Variants in RFC1 observed in about 807,000 individuals in gnomAD.
RFC1 encodes A1 140 kDa subunit.
A neutral mutation model predicts 137.4 loss-of-function variants in RFC1; 37 were observed. The ratio of observed to expected loss-of-function variants is 0.27; its 90% confidence interval spans 0.21 to 0.35. The LOEUF is 0.35. Among genes scored for constraint, RFC1 ranks in the 10% least tolerant of loss-of-function variants. RFC1 has a pLI of 1.00. For synonymous variants in RFC1, 429 were observed against 455.7 expected, an observed-to-expected ratio of 0.94 and a Z score of 0.75; for missense variants, 1,205 against 1,358.5, an observed-to-expected ratio of 0.89 and a Z score of 1.78.
At chr4:39,303,711 C>A (rs965905110) in intron 15 of RFC1, among the ~76,000 whole-genome samples, 2 of 152,238 alleles carry the variant, frequency 1.3e-5, no homozygotes, top group African/African-American at 4.8e-5. Flanking sequence ...GCCTCAGCCT[C>A]CCAAAGTGCT....
chr4:39,299,281 G>A (rs1362968885), intron 21 of RFC1, among the ~76,000 whole-genome samples: 2 of 151,960 alleles, frequency 1.3e-5, no homozygotes, highest in Non-Finnish European at 2.9e-5. Flanking sequence ...TAAATACACG[G>A]GTAAATCTCT....
chr4:39,354,595 C>A (rs918179523), intron 1 of RFC1, among the ~76,000 whole-genome samples: 1 of 151,968 alleles, frequency 6.6e-6, no homozygotes, highest in African/African-American at 2.4e-5. Flanking sequence ...GATTTTACTA[C>A]ACAAAAAGTG....
chr4:39,302,687 C>T, intron 17 of RFC1, 50 bp downstream of exon 17: 1 of 1,523,048 alleles, frequency 6.6e-7, no homozygotes, highest in Non-Finnish European at 8.8e-7. Context: ...AAAAATTGAC[C>T]CTTAAATAAA....
intron 19 of RFC1, among the ~76,000 whole-genome samples, chr4:39,300,772 A>G (rs1296781213): frequency 6.6e-6 from 1 of 152,212 alleles, no homozygotes; most frequent in Non-Finnish European, 1.5e-5. Context: ...ATTCAACATT[A>G]AAAAGAAGTG....
Position 39,344,740 on chromosome 4 carries a change from G to A in RFC1, c.208+661C>T, listed in dbSNP as rs905733750. 9.9e-5 allele frequency among the ~76,000 whole-genome samples: 15 copies of A among 152,060 alleles called. 1 individual carries two copies. The highest frequency in any genetic ancestry group is 2.4e-4 in the African/African-American group (10 of 41,408). ...GTAGAGGTTGCAGTGAGCCCAGATC[G>A]CACCACTGCACTCCAACCTGGGCAA... On this transcript the variant is annotated intron_variant, in intron 3 of 24. Coordinates refer to ENST00000349703, the MANE Select transcript of RFC1 (RefSeq NM_002913.5).
At chr4:39,314,702 C>T (rs887822369) in intron 10 of RFC1, among the ~76,000 whole-genome samples, 11 of 152,118 alleles carry the variant, frequency 7.2e-5, no homozygotes, top group African/African-American at 2.7e-4. Flanking sequence ...CCGACCTTCT[C>T]GCTCCCCACT....
At chr4:39,293,811 C>T (rs748230721) in intron 22 of RFC1, among the ~76,000 whole-genome samples, 1 of 152,168 alleles carries the variant, frequency 6.6e-6, no homozygotes, top group East Asian at 1.9e-4. Context: ...TAGGGCAGAG[C>T]AACCCATGAC....
chr4:39,342,807 T>C (rs1226998045), intron 3 of RFC1, among the ~76,000 whole-genome samples: 1 of 152,200 alleles, frequency 6.6e-6, no homozygotes, highest in Non-Finnish European at 1.5e-5. Context: ...TAAGAAAGAA[T>C]TTTATTTGCC....
intron 1 of RFC1, 65 bp from the exon 2 acceptor site, chr4:39,351,541 T>C: frequency 7.2e-7 from 1 of 1,388,828 alleles, no homozygotes; most frequent in South Asian, 1.4e-5. Flanking sequence ...ACTTCAATTG[T>C]AAGATGGGAC....
chr4:39,337,305 C>T (rs1035907458), intron 4 of RFC1, among the ~76,000 whole-genome samples: 2 of 150,622 alleles, frequency 1.3e-5, no homozygotes, highest in South Asian at 2.1e-4. Context: ...ACCTGGGAGG[C>T]GGAGGTTGCG....
At chr4:39,343,919 C>G (rs945561680) in intron 3 of RFC1, among the ~76,000 whole-genome samples, 3 of 152,026 alleles carry the variant, frequency 2.0e-5, no homozygotes, top group Non-Finnish European at 4.4e-5. Flanking sequence ...TCGAGACCAG[C>G]CTGGCCAACA....
chr4:39,344,181 G>T (rs959685960), intron 3 of RFC1, among the ~76,000 whole-genome samples: 1 of 151,380 alleles, frequency 6.6e-6, no homozygotes, highest in Non-Finnish European at 1.5e-5. Flanking sequence ...AGCAGATCTT[G>T]TCCACAAAAG....
At chr4:39,299,969 A>T in intron 21 of RFC1, 52 bp downstream of exon 21, 2 of 1,000,538 alleles carry the variant, frequency 2.0e-6, no homozygotes, top group Non-Finnish European at 3.2e-6. Context: ...AAAGCTATTT[A>T]GTTCTCTTAG....
At chr4:39,334,314 G>A (rs1303629865) in intron 4 of RFC1, among the ~76,000 whole-genome samples, 4 of 152,086 alleles carry the variant, frequency 2.6e-5, no homozygotes, top group Admixed American at 6.5e-5. Context: ...CTTGAAGAAC[G>A]AGCAGTCCTA....
At chr4:39,337,824 C>T (rs1017932212) in intron 4 of RFC1, among the ~76,000 whole-genome samples, 15 of 152,156 alleles carry the variant, frequency 9.9e-5, no homozygotes, top group Admixed American at 7.2e-4. Context: ...ACATGGTAAC[C>T]TGTCACCTAG....
Position 39,327,618 on chromosome 4 carries a change from G to A in RFC1, c.470C>T (p.Pro157Leu), listed in dbSNP as rs1560608231. The change falls in exon 5 of 25, where the codon CCA becomes CTA. Residue 157 changes from proline to leucine, a missense_variant. By Grantham distance (98) the Pro-to-Leu change is moderately conservative (BLOSUM62 -3). Around this residue, in one of 3 missense-constraint regions of RFC1, gnomAD observed 962 missense variants for 1,035.3 expected, o/e 0.93. Coordinates refer to ENST00000349703, the MANE Select transcript of RFC1 (RefSeq NM_002913.5). ...NTKTKNKPLS[P>L]IKLTPTSVLD... is the part of the protein sequence containing the mutation. The stretch of plus-strand genomic sequence containing the variant: ...TACTGATGTGGGTGTAAGTTTTATT[G>A]GTGATAAAGGCTTATTCTTGGTCTT... 8 of 1,613,556 alleles carry A rather than the reference G, an allele frequency of 5.0e-6. No homozygotes were observed. The highest frequency in any genetic ancestry group is 6.8e-6 in the Non-Finnish European group (8 of 1,179,740).
In RFC1 at chr4:39,309,052, A is replaced by AG; in HGVS notation, c.1489-21dup. 6.4e-7 allele frequency: 1 copy of AG among 1,568,830 alleles called. No individual in the cohort carries two copies. Among genetic ancestry groups the AG allele is most frequent in the Non-Finnish European group, 8.6e-7 (1 of 1,165,614 alleles). On this transcript the variant is annotated intron_variant, in intron 12 of 24. Transcript: ENST00000349703. ...CTTCATCTTAAGAAGTGGAAAAATG[A>AG]GGAAAAAAGAAACCTGATGAAACAT... is the stretch of plus-strand genomic sequence containing the variant.
chr4:39,339,979 A>G (rs550669592), intron 4 of RFC1, among the ~76,000 whole-genome samples: 91 of 152,324 alleles, frequency 6.0e-4, no homozygotes, highest in African/African-American at 2.0e-3. Flanking sequence ...TATAAGAATA[A>G]CAGTTAATAT....
chr4:39,339,120 T>C (rs758918564), intron 4 of RFC1, among the ~76,000 whole-genome samples: 7 of 152,150 alleles, frequency 4.6e-5, no homozygotes, highest in Non-Finnish European at 7.4e-5. Flanking sequence ...CATTATTACA[T>C]ATACCGCAAT....
Sources: allele counts gnomAD v4.1 joint callset (sites outside exome capture counted in the v4.1 genomes callset), GRCh38; gene constraint gnomAD v4.1.1; regional missense constraint gnomAD v4.1.1; transcripts MANE v1.5; gene names NCBI Gene and HGNC (gene_info 2026-07-23, HGNC 2026-07-21).